RALGAPA2: variants seen among roughly 807,000 people sequenced by gnomAD.
RALGAPA2 encodes the protein ral GTPase-activating protein subunit alpha-2.
RALGAPA2 carries 139 observed loss-of-function variants against 230.4 expected under a neutral mutation model. That is an observed-to-expected ratio of 0.60 (90% CI 0.53 to 0.69). The LOEUF (loss-of-function observed/expected upper bound fraction) is 0.69. RALGAPA2 is among the 30% of genes least tolerant of loss of function. RALGAPA2 has a pLI of 0.00. For synonymous variants in RALGAPA2, 847 were observed against 837.8 expected, an observed-to-expected ratio of 1.01 and a Z score of -0.19; for missense variants, 2,163 against 2,276.0, an observed-to-expected ratio of 0.95 and a Z score of 1.01.
Position 20,422,265 on chromosome 20 carries a change from AG to A in RALGAPA2, c.5496-10118del, listed in dbSNP as rs1276408704. Among the ~76,000 whole-genome samples, 3 of 152,232 alleles carry A rather than the reference AG, an allele frequency of 2.0e-5. No individual in the cohort carries two copies. The East Asian group carries it at 5.8e-4, about 29-fold the overall frequency. On this transcript the variant is annotated intron_variant, in intron 37 of 39. Transcript: ENST00000202677. ...AAACCATTGTATTATACATTTTAAAAGGGTGAACGCTATGGTCTGTGAATTA... is the reference window on the plus strand; with the variant it reads ...AAACCATTGTATTATACATTTTAAAAGGTGAACGCTATGGTCTGTGAATTA...
intron 37 of RALGAPA2, among the ~76,000 whole-genome samples, chr20:20,453,920 T>C (rs1006713335): frequency 6.6e-6 from 1 of 152,150 alleles, no homozygotes; most frequent in Non-Finnish European, 1.5e-5. Context: ...TCAGAATCAG[T>C]TGATTATTTT....
intron 16 of RALGAPA2, among the ~76,000 whole-genome samples, chr20:20,600,678 T>C (rs1359943349): frequency 1.3e-5 from 2 of 152,268 alleles, no homozygotes; most frequent in African/African-American, 4.8e-5. Flanking sequence ...AGTCAACATG[T>C]TAAATATCAA....
intron 37 of RALGAPA2, among the ~76,000 whole-genome samples, chr20:20,450,284 T>A (rs1487338683): frequency 6.6e-6 from 1 of 152,244 alleles, no homozygotes; most frequent in Admixed American, 6.5e-5. Context: ...TTAAACTTAA[T>A]ATTTTCACTG....
At position 20,571,599 on chromosome 20, in the gene RALGAPA2, T is replaced by C; in HGVS notation, c.3015A>G (p.Pro1005=). 6.2e-7 allele frequency: 1 copy of C among 1,610,790 alleles called. No homozygotes were observed. The highest frequency in any genetic ancestry group is 8.5e-7 in the Non-Finnish European group (1 of 1,178,484). Residue 1005 remains proline (P), a synonymous_variant, in exon 23 of 40, where the codon CCA becomes CCG. Coordinates refer to ENST00000202677, the MANE Select transcript of RALGAPA2 (RefSeq NM_020343.4). ...GTAGTTTGCCTTCCTTATATTCATTTGGCAGTGTCGCCGCCTGTCAAGGAG... is the reference window on the plus strand; with the variant it reads ...GTAGTTTGCCTTCCTTATATTCATTCGGCAGTGTCGCCGCCTGTCAAGGAG... ...ASWLFKAATL[P]NEYKEGKLQA...
Position 20,535,805 on chromosome 20 carries a change from T to G in RALGAPA2, c.3415-2A>C. The G allele has an allele frequency of 6.5e-7, 1 of 1,545,332 alleles. No homozygotes were observed. Among genetic ancestry groups the G allele is most frequent in the South Asian group, 1.2e-5 (1 of 82,290 alleles). On this transcript the variant is annotated splice_acceptor_variant, in intron 25 of 39. Transcript: ENST00000202677. LOFTEE classifies it high-confidence loss of function. ...CAGTAAAATATTTATGAGGTAATGCTAAAAACACAAAATTAAGTAAAATAA... is the reference window on the plus strand; with the variant it reads ...CAGTAAAATATTTATGAGGTAATGCGAAAAACACAAAATTAAGTAAAATAA...
chr20:20,602,208 A>C (rs1272573130), intron 15 of RALGAPA2, among the ~76,000 whole-genome samples: 1 of 152,218 alleles, frequency 6.6e-6, no homozygotes, highest in African/African-American at 2.4e-5. Context: ...CTACTTATAA[A>C]CCAAAAACTC....
chr20:20,442,530 T>C (rs1016997634), intron 37 of RALGAPA2, among the ~76,000 whole-genome samples: 1 of 152,246 alleles, frequency 6.6e-6, no homozygotes, highest in Admixed American at 6.5e-5. Flanking sequence ...TAATGAAATA[T>C]CTAAAGCATG....
At chr20:20,703,008 A>G (rs998096015) in intron 1 of RALGAPA2, among the ~76,000 whole-genome samples, 1 of 152,130 alleles carries the variant, frequency 6.6e-6, no homozygotes, top group Non-Finnish European at 1.5e-5. Context: ...CCTTGTCTCT[A>G]CTAAAAACAC....
In RALGAPA2 at chr20:20,626,891, C is replaced by T. The variant is rs187208005; in HGVS notation, c.1233+2472G>A. Among the ~76,000 whole-genome samples, 88 of 152,280 alleles carry T rather than the reference C, an allele frequency of 5.8e-4. 1 individual carries two copies. Among genetic ancestry groups the T allele is most frequent in the Non-Finnish European group, 5.4e-4 (37 of 68,024 alleles). On this transcript the variant is annotated intron_variant, in intron 10 of 39. Coordinates refer to ENST00000202677, the MANE Select transcript of RALGAPA2 (RefSeq NM_020343.4). ...CCCTGTGACAGAGACGTACGATCCA[C>T]GAGGCCTAAAATATTTACTAGTTGG...
intron 23 of RALGAPA2, among the ~76,000 whole-genome samples, chr20:20,553,559 A>C (rs975893354): frequency 2.6e-5 from 4 of 152,128 alleles, no homozygotes; most frequent in Non-Finnish European, 5.9e-5. Context: ...CTTAAAAAAA[A>C]ACAAAACAAA....
At chr20:20,558,077 T>C (rs2064140923) in intron 23 of RALGAPA2, among the ~76,000 whole-genome samples, 1 of 152,188 alleles carries the variant, frequency 6.6e-6, no homozygotes, top group South Asian at 2.1e-4. Flanking sequence ...CAATCTCGGC[T>C]CACTGCAACC....
Position 20,591,281 on chromosome 20 carries a change from G to A in RALGAPA2, c.2237C>T (p.Pro746Leu), listed in dbSNP as rs1440907537. The change falls in exon 17 of 40, where the codon CCT becomes CTT. Residue 746 changes from proline to leucine, a missense_variant. By Grantham distance (98) the Pro-to-Leu change is moderately conservative. Transcript: ENST00000202677. The stretch of plus-strand genomic sequence containing the variant: ...TGTGAGATGGCCAGATCCGGCTGCA[G>A]GTGCATTTTCTGACTGTTGACACTC... ...VEECQQSENA[P>L]AAGSGHLTVG... The A allele has an allele frequency of 1.2e-6, 2 of 1,613,822 alleles. No individual in the cohort carries two copies. Among genetic ancestry groups the A allele is most frequent in the Non-Finnish European group, 1.7e-6 (2 of 1,179,808 alleles).
intron 20 of RALGAPA2, among the ~76,000 whole-genome samples, chr20:20,580,005 G>A (rs1241592283): frequency 1.3e-5 from 2 of 152,120 alleles, no homozygotes; most frequent in Non-Finnish European, 2.9e-5. Flanking sequence ...TAAATGTTGT[G>A]TCTTCTGTCC....
chr20:20,393,668 C>T lies in RALGAPA2; in HGVS notation c.*36-415G>A, dbSNP rs565708427. On this transcript the variant is annotated intron_variant, in intron 39 of 39. Coordinates refer to ENST00000202677, the MANE Select transcript of RALGAPA2 (RefSeq NM_020343.4). Reference sequence around the variant, plus strand: ...CCTGGCGGTGTTCCTGGAATCTCCACGTGTTTACATATCGATATTCTACAC... The same window carrying T: ...CCTGGCGGTGTTCCTGGAATCTCCATGTGTTTACATATCGATATTCTACAC... Among the ~76,000 whole-genome samples the T allele has an allele frequency of 3.3e-5, 5 of 152,278 alleles. No individual in the cohort carries two copies. In the South Asian group the frequency reaches 6.2e-4, roughly 19 times the overall value.
chr20:20,647,827 C>A (rs1381782007), intron 4 of RALGAPA2, among the ~76,000 whole-genome samples: 1 of 151,882 alleles, frequency 6.6e-6, no homozygotes, highest in Admixed American at 6.6e-5. Context: ...CAATGAGATA[C>A]CACTATCACT....
At position 20,392,615 on chromosome 20, in the gene RALGAPA2, G is replaced by C. The variant is rs2059622665; in HGVS notation, c.*674C>G. On this transcript the variant is annotated 3_prime_UTR_variant, in exon 40 of 40. Coordinates refer to ENST00000202677, the MANE Select transcript of RALGAPA2 (RefSeq NM_020343.4). Reference sequence around the variant, plus strand: ...GCGTGGTGAGGAGAGCCTCTGCTTAGTTAGCGGGCGTCAGGTACCATGTGG... The same window carrying C: ...GCGTGGTGAGGAGAGCCTCTGCTTACTTAGCGGGCGTCAGGTACCATGTGG... 1 of 159,948 alleles carries C rather than the reference G, an allele frequency of 6.3e-6. No homozygotes were observed. The highest frequency in any genetic ancestry group is 1.7e-4 in the South Asian group (1 of 5,802). 9.9% of individuals were successfully genotyped at this position (159,948 alleles called of 1,614,324 possible). A position where few individuals can be genotyped will look rare whatever the true frequency, so the allele number is the denominator to read the frequency against.
At chr20:20,546,930 C>A in intron 23 of RALGAPA2, 98 bp from the exon 24 acceptor site, 1 of 1,223,520 alleles carries the variant, frequency 8.2e-7, no homozygotes, top group Non-Finnish European at 1.1e-6. Flanking sequence ...TATAATAATC[C>A]AAGAGAGCAC....
Position 20,629,450 on chromosome 20 carries a change from T to G in RALGAPA2, c.1146A>C (p.Glu382Asp). Residue 382 changes from glutamate (E) to aspartate (D), a missense_variant, in exon 10 of 40, where the codon GAA (glutamate) becomes GAC (aspartate). By Grantham distance (45) the Glu-to-Asp change is conservative. Coordinates refer to ENST00000202677, the MANE Select transcript of RALGAPA2 (RefSeq NM_020343.4). The stretch of plus-strand genomic sequence containing the variant: ...CCATTTCATACACCATTCGGTGCTC[T>G]TCTTCAATGCTACAGAGGCTGGAGT... ...LSNSSLCSIEEEHRMVYEMVQ... is the reference protein window; with the variant it reads ...LSNSSLCSIEDEHRMVYEMVQ... The G allele has an allele frequency of 6.2e-7, 1 of 1,613,990 alleles. No homozygotes were observed. The highest frequency in any genetic ancestry group is 8.5e-7 in the Non-Finnish European group (1 of 1,179,888).
intron 37 of RALGAPA2, among the ~76,000 whole-genome samples, chr20:20,460,468 A>G (rs1001221240): frequency 9.9e-5 from 15 of 152,194 alleles, no homozygotes; most frequent in African/African-American, 3.6e-4. Flanking sequence ...TTTATCTGGC[A>G]CTTGTAGTAA....
Sources: allele counts gnomAD v4.1 joint callset (sites outside exome capture counted in the v4.1 genomes callset), GRCh38; gene constraint gnomAD v4.1.1; transcripts MANE v1.5; gene names NCBI Gene and HGNC (gene_info 2026-07-23, HGNC 2026-07-21).